The following ANOS1 variants were observed in gnomAD, a reference collection of about 807,000 sequenced individuals.
ANOS1 encodes the protein anosmin-1.
In ANOS1, 6 loss-of-function variants were observed where a neutral mutation model predicts 59.0. That is an observed-to-expected ratio of 0.10 (90% CI 0.06 to 0.20). ANOS1 has a LOEUF of 0.20. Among genes scored for constraint, ANOS1 ranks in the 10% least tolerant of loss-of-function variants. The probability of loss-of-function intolerance (pLI) is 1.00; values close to 1 mark genes in which losing one functional copy is unlikely to be tolerated. For synonymous variants in ANOS1, 217 were observed against 223.4 expected (o/e 0.97, Z 0.25); for missense variants, 433 against 542.3 (o/e 0.80, Z 2.00).
intron 3 of ANOS1, among the ~76,000 whole-genome samples, chrX:8,622,051 G>T (rs1931302490): frequency 9.0e-6 from 1 of 111,701 alleles, no homozygotes; most frequent in South Asian, 3.8e-4. Flanking sequence ...GTTTATTTCT[G>T]CTATGTTTTT....
chrX:8,668,426 T>TAC (rs1453290696), intron 2 of ANOS1, among the ~76,000 whole-genome samples: 2,494 of 81,811 alleles, frequency 0.03, 61 homozygotes, highest in Non-Finnish European at 0.042. Context: ...TATATATATA[T>TAC]ATATACACAC....
In ANOS1 at chrX:8,659,229, T is replaced by TA. The variant is rs57477012; in HGVS notation, c.256-35560dup. 4.7e-3 allele frequency among the ~76,000 whole-genome samples: 452 copies of TA among 95,376 alleles called. 4 individuals are homozygous for TA. The highest frequency in any genetic ancestry group is 0.038 in the East Asian group (109 of 2,892). 82.8% of individuals were successfully genotyped at this position (95,376 alleles called of 115,157 possible). Reference sequence around the variant, plus strand: ...GCAAGAGAATGAGACTCTGTCTCAATAAAAAAAAAAAAAATACACATCTAT... The same window carrying TA: ...GCAAGAGAATGAGACTCTGTCTCAATAAAAAAAAAAAAAAATACACATCTAT... On this transcript the variant is annotated intron_variant, in intron 2 of 13. Transcript: ENST00000262648.
At chrX:8,691,066 A>C (rs2146893157) in intron 2 of ANOS1, among the ~76,000 whole-genome samples, 1 of 101,209 alleles carries the variant, frequency 9.9e-6, no homozygotes, top group Admixed American at 1.1e-4. Context: ...TGAAAGTTAA[A>C]GGAGAAATCT....
chrX:8,686,032 A>G (rs1337242016), intron 2 of ANOS1, among the ~76,000 whole-genome samples: 1 of 112,022 alleles, frequency 8.9e-6, no homozygotes, highest in African/African-American at 3.2e-5. Context: ...CCCTGTTTTC[A>G]TAATTTAAGT....
intron 2 of ANOS1, among the ~76,000 whole-genome samples, chrX:8,678,565 G>T (rs766908577): frequency 7.4e-4 from 83 of 112,036 alleles, no homozygotes; most frequent in African/African-American, 2.6e-3. Flanking sequence ...AAAACAAAAA[G>T]TCCTGCAATG....
At chrX:8,608,734 A>C (rs1480166942) in intron 3 of ANOS1, among the ~76,000 whole-genome samples, 1 of 111,506 alleles carries the variant, frequency 9.0e-6, no homozygotes, top group Non-Finnish European at 1.9e-5. Context: ...TCATGGGGGC[A>C]GTTTCCCCCA....
At chrX:8,550,432 C>T (rs1453386890) in intron 9 of ANOS1, among the ~76,000 whole-genome samples, 1 of 111,289 alleles carries the variant, frequency 9.0e-6, no homozygotes, top group East Asian at 2.8e-4. Flanking sequence ...ATCATTGACA[C>T]GTGGATGAAT....
intron 2 of ANOS1, among the ~76,000 whole-genome samples, chrX:8,636,927 GGT>G (rs1931582695): frequency 8.9e-6 from 1 of 112,175 alleles, no homozygotes; most frequent in African/African-American, 3.2e-5. Flanking sequence ...GAAACACCAT[GGT>G]GGAGAATGTA....
intron 1 of ANOS1, among the ~76,000 whole-genome samples, chrX:8,707,504 TA>T (rs770475300): frequency 0.014 from 1,618 of 111,793 alleles, 86 homozygotes; most frequent in Admixed American, 0.12. Flanking sequence ...CGTTATTTAA[TA>T]AATAAAAATA....
At chrX:8,559,118 C>G (rs1423667432) in intron 8 of ANOS1, among the ~76,000 whole-genome samples, 2 of 111,689 alleles carry the variant, frequency 1.8e-5, no homozygotes, top group African/African-American at 6.5e-5. Context: ...TGATGGTGCA[C>G]CGGCAGTGAG....
chrX:8,727,226 C>T (rs764661652), intron 1 of ANOS1, among the ~76,000 whole-genome samples: 1 of 111,617 alleles, frequency 9.0e-6, no homozygotes, highest in Admixed American at 9.4e-5. Context: ...TGACTCCCAC[C>T]GCACCCTCAC....
At chrX:8,635,614 T>G (rs1601995784) in intron 2 of ANOS1, among the ~76,000 whole-genome samples, 1 of 111,846 alleles carries the variant, frequency 8.9e-6, no homozygotes, top group Non-Finnish European at 1.9e-5. Context: ...CAAGACAGCC[T>G]TTTCTCTGGG....
At chrX:8,565,343 G>A (rs1235915640) in intron 8 of ANOS1, among the ~76,000 whole-genome samples, 2 of 111,597 alleles carry the variant, frequency 1.8e-5, no homozygotes, top group African/African-American at 6.5e-5. Flanking sequence ...ATTTTGGCCT[G>A]AGAAGGGGGT....
rs1350193387 is a variant in ANOS1, at chrX:8,666,217, TAAAAG to T, written c.255+33476_255+33480del. The stretch of plus-strand genomic sequence containing the variant: ...TCTCTAAAAACAAATATGATACTAA[TAAAAG>T]AAAAGAAAAAAATCCCAAATTTTAA... On this transcript the variant is annotated intron_variant, in intron 2 of 13. Coordinates refer to ENST00000262648, the MANE Select transcript of ANOS1 (RefSeq NM_000216.4). 3.6e-5 allele frequency among the ~76,000 whole-genome samples: 4 copies of T among 110,276 alleles called. No homozygotes were observed. The Middle Eastern group carries it at 0.019, about 523-fold the overall frequency.
chrX:8,699,404 AAAC>A (rs1932729901), intron 2 of ANOS1, among the ~76,000 whole-genome samples: 1 of 112,249 alleles, frequency 8.9e-6, no homozygotes, highest in Non-Finnish European at 1.9e-5. Context: ...AGAAAATTAC[AAAC>A]AACAATAAAA....
chrX:8,569,514 C>A (rs916767628), intron 7 of ANOS1, among the ~76,000 whole-genome samples: 29 of 111,184 alleles, frequency 2.6e-4, no homozygotes, highest in Non-Finnish European at 4.9e-4. Context: ...TGGTGGCGGG[C>A]GCCTGTAGTC....
intron 2 of ANOS1, among the ~76,000 whole-genome samples, chrX:8,631,074 C>T (rs756179623): frequency 9.0e-6 from 1 of 111,627 alleles, no homozygotes; most frequent in African/African-American, 3.3e-5. Context: ...GTCACCAAGA[C>T]GAAGGAAGAA....
chrX:8,643,013 A>G (rs1414891263), intron 2 of ANOS1, among the ~76,000 whole-genome samples: 1 of 112,532 alleles, frequency 8.9e-6, no homozygotes, highest in Non-Finnish European at 1.9e-5. Context: ...TTCATGCAAC[A>G]TAACCATTCA....
At chrX:8,560,484 G>A (rs1930015280) in intron 8 of ANOS1, among the ~76,000 whole-genome samples, 1 of 111,938 alleles carries the variant, frequency 8.9e-6, no homozygotes, top group Admixed American at 9.5e-5. Flanking sequence ...AATTACTGTT[G>A]TACCCCCCAA....
Sources: allele counts gnomAD v4.1 joint callset (sites outside exome capture counted in the v4.1 genomes callset), GRCh38; gene constraint gnomAD v4.1.1; transcripts MANE v1.5; gene names NCBI Gene and HGNC (gene_info 2026-07-23, HGNC 2026-07-21).